CEP350: variants seen among roughly 807,000 people sequenced by gnomAD.
CEP350 encodes the protein centrosome-associated protein 350.
CEP350 carries 126 observed loss-of-function variants against 331.8 expected under a neutral mutation model. The observed-to-expected ratio is 0.38, with a 90% CI of 0.33 to 0.44. The LOEUF (loss-of-function observed/expected upper bound fraction) is 0.44. Ranked by LOEUF, CEP350 falls within the 20% of genes least tolerant of loss-of-function variation. The pLI, the probability that CEP350 is intolerant of heterozygous loss-of-function variation, is 1.00. For synonymous variants in CEP350, 1,200 were observed against 1,259.5 expected (o/e 0.95, Z 1.00); for missense variants, 3,406 against 3,634.6 (o/e 0.94, Z 1.62).
intron 3 of CEP350, among the ~76,000 whole-genome samples, chr1:179,988,405 G>C (rs1420569170): frequency 6.6e-6 from 1 of 152,158 alleles, no homozygotes; most frequent in Non-Finnish European, 1.5e-5. Flanking sequence ...TGAATAGACT[G>C]TGAATTATTC....
intron 1 of CEP350, among the ~76,000 whole-genome samples, chr1:179,980,620 A>G (rs1652200611): frequency 6.6e-6 from 1 of 152,120 alleles, no homozygotes; most frequent in Admixed American, 6.5e-5. Context: ...GTCTTGTTTC[A>G]GATCTTAGAG....
intron 25 of CEP350, among the ~76,000 whole-genome samples, chr1:180,062,005 AAATT>A (rs1571941353): frequency 1.3e-5 from 2 of 152,166 alleles, no homozygotes; most frequent in South Asian, 4.1e-4. Flanking sequence ...TTATAATTTA[AAATT>A]AAGAGATCAT....
intron 29 of CEP350, among the ~76,000 whole-genome samples, chr1:180,079,680 G>A (rs373019965): frequency 3.3e-5 from 5 of 151,524 alleles, no homozygotes; most frequent in South Asian, 2.1e-4. Flanking sequence ...TTCTACCTTC[G>A]AGGAATTTAC....
At chr1:180,008,127 T>A (rs1039207923) in intron 8 of CEP350, among the ~76,000 whole-genome samples, 1 of 152,164 alleles carries the variant, frequency 6.6e-6, no homozygotes, top group African/African-American at 2.4e-5. Context: ...ATCCTTTCAC[T>A]TATTCTCAAA....
intron 14 of CEP350, 139 bp from the exon 15 acceptor site, chr1:180,031,179 CAG>C (rs1231492133): frequency 2.1e-6 from 1 of 474,498 alleles, no homozygotes; most frequent in East Asian, 3.6e-5. Context: ...ATATGGAAAA[CAG>C]ATTTTGAATA....
intron 37 of CEP350, among the ~76,000 whole-genome samples, chr1:180,109,557 G>A (rs141185079): frequency 2.6e-4 from 39 of 152,304 alleles, no homozygotes; most frequent in Admixed American, 4.6e-4. Flanking sequence ...TGTAACTTGA[G>A]ATCAGGGTTC....
At chr1:180,041,335 G>GA in intron 18 of CEP350, 87 bp downstream of exon 18, 4 of 927,054 alleles carry the variant, frequency 4.3e-6, no homozygotes, top group Non-Finnish European at 6.5e-6. Flanking sequence ...TTATATAGGA[G>GA]AAAAAAGTGT....
rs1486843976 is a variant in CEP350 at position 180,020,663 on chromosome 1, GCAAGCCTGTTCT to G, written c.2894_2905del (p.Ala965_Gln968del). On this transcript the variant is annotated inframe_deletion, in exon 12 of 38. Coordinates refer to ENST00000367607, the MANE Select transcript of CEP350 (RefSeq NM_014810.5). The stretch of plus-strand genomic sequence containing the variant: ...AGACTGACTCTTCTAGCTCTGATAT[GCAAGCCTGTTCT>G]CAAGACAAAGCCAAAATATCTCTTG... 1.2e-6 allele frequency: 2 copies of G among 1,613,888 alleles called. No individual in the cohort carries two copies. Among genetic ancestry groups the G allele is most frequent in the South Asian group, 2.2e-5 (2 of 91,088 alleles).
intron 12 of CEP350, among the ~76,000 whole-genome samples, chr1:180,022,373 T>C (rs1326289087): frequency 6.6e-6 from 1 of 152,174 alleles, no homozygotes; most frequent in Non-Finnish European, 1.5e-5. Context: ...GAATTTGCTT[T>C]AAAATAGTCT....
intron 16 of CEP350, 99 bp downstream of exon 16, chr1:180,034,181 T>C: frequency 7.6e-7 from 1 of 1,314,208 alleles, no homozygotes; most frequent in Non-Finnish European, 1.0e-6. Flanking sequence ...TAGAGAAATA[T>C]TATTTCAAGT....
intron 1 of CEP350, chr1:179,969,464 C>G: frequency 2.1e-6 from 1 of 486,962 alleles, no homozygotes; most frequent in Non-Finnish European, 4.1e-6. Context: ...ACAGCTCCCA[C>G]TGCTCAGGCC....
At chr1:179,961,630 G>A (rs1182622234) in intron 1 of CEP350, among the ~76,000 whole-genome samples, 2 of 152,036 alleles carry the variant, frequency 1.3e-5, no homozygotes, top group Admixed American at 6.6e-5. Context: ...GACTCCTAAC[G>A]TCCAGCTTTA....
rs751570955 is a variant in CEP350 at position 179,991,667 on chromosome 1, ATGTGTG to A, written c.236-359_236-354del. Among the ~76,000 whole-genome samples the A allele has an allele frequency of 8.7e-3, 788 of 90,206 alleles. 5 individuals are homozygous for A. The highest frequency in any genetic ancestry group is 0.01 in the South Asian group (21 of 2,060). 59.2% of individuals were successfully genotyped at this position (90,206 alleles called of 152,430 possible). A position where few individuals can be genotyped will look rare whatever the true frequency, so the allele number is the denominator to read the frequency against. On this transcript the variant is annotated intron_variant, in intron 4 of 37. Transcript: ENST00000367607. ...TAAACTGTGATATGTATATATATAT[ATGTGTG>A]TGTGTGTGTGTGTGTGTGTGTGTGT...
rs1654696494 is a variant in CEP350, at chr1:180,012,095, A to G, written c.1393+20A>G. On this transcript the variant is annotated intron_variant, in intron 9 of 37. Coordinates refer to ENST00000367607, the MANE Select transcript of CEP350 (RefSeq NM_014810.5). ...AATCTGGTAAGTAGCTATAATTAAA[A>G]TAGTTGAGAAAACAATTAAAAATTG... The G allele has an allele frequency of 6.5e-7, 1 of 1,526,726 alleles. No individual in the cohort carries two copies. Among genetic ancestry groups the G allele is most frequent in the African/African-American group, 1.4e-5 (1 of 71,300 alleles). 94.6% of individuals were successfully genotyped at this position (1,526,726 alleles called of 1,614,324 possible). A position where few individuals can be genotyped will look rare whatever the true frequency, so the allele number is the denominator to read the frequency against.
intron 1 of CEP350, among the ~76,000 whole-genome samples, chr1:179,968,386 G>T (rs1207547400): frequency 6.6e-6 from 1 of 151,750 alleles, no homozygotes; most frequent in Non-Finnish European, 1.5e-5. Context: ...GCAGTTTTAT[G>T]TAAGAGACAG....
chr1:180,103,799 G>A (rs1006542075), intron 37 of CEP350, among the ~76,000 whole-genome samples: 1 of 151,646 alleles, frequency 6.6e-6, no homozygotes, highest in Non-Finnish European at 1.5e-5. Flanking sequence ...TCCATGGCTC[G>A]TAACTCCTCC....
rs1477248959 is a variant in CEP350 at position 180,090,758 on chromosome 1, G to A, written c.6470G>A (p.Arg2157His). 7.1e-6 allele frequency: 11 copies of A among 1,552,118 alleles called. No homozygotes were observed. In the Admixed American group the frequency reaches 1.4e-4, roughly 19 times the overall value. Reference protein sequence around the residue: ...KNWKSLTESERSRGSLESIAE... With the variant: ...KNWKSLTESEHSRGSLESIAE... ...TGGAAATCACTAACAGAGTCAGAAC[G>A]TTCCAGAGGATCCCTGGAGTCTATT... Residue 2157 changes from arginine to histidine, a missense_variant, in exon 33 of 38, where the codon CGT becomes CAT. Physicochemically the swap from Arg to His is conservative, Grantham distance 29. Around this residue, in one of 5 missense-constraint regions of CEP350, gnomAD observed 1,415 missense variants for 1,512.3 expected, o/e 0.94. Transcript: ENST00000367607.
At chr1:180,025,737 G>A (rs1397077223) in intron 14 of CEP350, among the ~76,000 whole-genome samples, 1 of 152,064 alleles carries the variant, frequency 6.6e-6, no homozygotes, top group Admixed American at 6.6e-5. Flanking sequence ...ATCACACACT[G>A]GGACCTGTCG....
chr1:180,084,798 A>G (rs568472138), intron 31 of CEP350, among the ~76,000 whole-genome samples: 1 of 152,280 alleles, frequency 6.6e-6, no homozygotes, highest in South Asian at 2.1e-4. Flanking sequence ...CAGGAGTTTG[A>G]GGCTGTAGTG....
Sources: allele counts gnomAD v4.1 joint callset (sites outside exome capture counted in the v4.1 genomes callset), GRCh38; gene constraint gnomAD v4.1.1; regional missense constraint gnomAD v4.1.1; transcripts MANE v1.5; gene names NCBI Gene and HGNC (gene_info 2026-07-23, HGNC 2026-07-21).